The following ALDH1A2 variants were observed in gnomAD, a reference collection of about 807,000 sequenced individuals.
ALDH1A2 encodes the protein retinal dehydrogenase 2.
ALDH1A2 carries 27 observed loss-of-function variants against 60.3 expected under a neutral mutation model. The ratio of observed to expected loss-of-function variants is 0.45; its 90% CI spans 0.33 to 0.62. The LOEUF is 0.62. Ranked by LOEUF, ALDH1A2 falls within the 20% of genes least tolerant of loss-of-function variation. The pLI is 0.02. For missense variants in ALDH1A2, 581 were observed against 643.8 expected (o/e 0.90, Z 1.06); for synonymous variants, 289 against 232.4 (o/e 1.24, Z -2.21).
At chr15:57,970,987 C>G (rs985745803) in intron 7 of ALDH1A2, among the ~76,000 whole-genome samples, 3 of 152,182 alleles carry the variant, frequency 2.0e-5, no homozygotes, top group Non-Finnish European at 2.9e-5. Context: ...AGATTTGCAC[C>G]AGAAACAAAC....
At chr15:58,041,637 C>A (rs544992474) in intron 1 of ALDH1A2, among the ~76,000 whole-genome samples, 6 of 151,998 alleles carry the variant, frequency 3.9e-5, no homozygotes, top group Non-Finnish European at 8.8e-5. Flanking sequence ...GCCTCTTTTA[C>A]AAGGACACTA....
chr15:57,968,118 G>A (rs1893953388), intron 7 of ALDH1A2, among the ~76,000 whole-genome samples: 1 of 152,058 alleles, frequency 6.6e-6, no homozygotes, highest in Non-Finnish European at 1.5e-5. Context: ...CCACTCTGGG[G>A]GAATCCAAAT....
intron 1 of ALDH1A2, among the ~76,000 whole-genome samples, chr15:58,023,305 A>G (rs1895984096): frequency 6.6e-6 from 1 of 152,250 alleles, no homozygotes; most frequent in Non-Finnish European, 1.5e-5. Flanking sequence ...TTTAAAGAAT[A>G]TAAGCAAAGC....
intron 3 of ALDH1A2, among the ~76,000 whole-genome samples, chr15:58,012,532 A>C (rs1895662506): frequency 6.6e-6 from 1 of 152,200 alleles, no homozygotes. Flanking sequence ...CTGAGCCTTT[A>C]ATATGCCCAG....
chr15:58,018,018 T>G (rs1305797135), intron 1 of ALDH1A2, among the ~76,000 whole-genome samples: 1 of 152,208 alleles, frequency 6.6e-6, no homozygotes, highest in Non-Finnish European at 1.5e-5. Context: ...CTTGAATGTT[T>G]GCAGCTCTCT....
chr15:58,027,027 T>A (rs554793448), intron 1 of ALDH1A2, among the ~76,000 whole-genome samples: 1 of 152,268 alleles, frequency 6.6e-6, no homozygotes, highest in South Asian at 2.1e-4. Context: ...CAGCAGTGGT[T>A]TTCCCAGCAC....
At chr15:57,965,217 G>T (rs1596067904) in intron 8 of ALDH1A2, among the ~76,000 whole-genome samples, 1 of 152,326 alleles carries the variant, frequency 6.6e-6, no homozygotes, top group East Asian at 1.9e-4. Flanking sequence ...ATACCGAACT[G>T]ACCCACGTGT....
At chr15:58,002,145 T>C (rs1379577959) in intron 4 of ALDH1A2, among the ~76,000 whole-genome samples, 1 of 151,938 alleles carries the variant, frequency 6.6e-6, no homozygotes, top group African/African-American at 2.4e-5. Context: ...TTACAACTTA[T>C]GGAAAATATA....
chr15:58,008,495 T>C (rs1161138764), intron 4 of ALDH1A2, among the ~76,000 whole-genome samples: 1 of 152,052 alleles, frequency 6.6e-6, no homozygotes, highest in Non-Finnish European at 1.5e-5. Flanking sequence ...CTTCAAACAT[T>C]ATCAGGGATG....
intron 4 of ALDH1A2, among the ~76,000 whole-genome samples, chr15:58,006,879 G>A (rs140754481): frequency 8.9e-5 from 13 of 145,276 alleles, no homozygotes; most frequent in Non-Finnish European, 1.8e-4. Context: ...AAAAAAAAGT[G>A]TCCTTTTTTG....
At position 57,954,314 on chromosome 15, in the gene ALDH1A2, A is replaced by T. The variant is rs1192057031; in HGVS notation, c.*883T>A. 1.3e-5 allele frequency: 2 copies of T among 152,696 alleles called. No individual in the cohort carries two copies. Among genetic ancestry groups the T allele is most frequent in the Non-Finnish European group, 1.5e-5 (1 of 68,056 alleles). The allele number at this position is 152,696 out of a possible 1,614,324, so 9.5% of individuals were successfully genotyped here. A position where few individuals can be genotyped will look rare whatever the true frequency, so the allele number is the denominator to read the frequency against. Reference sequence around the variant, plus strand: ...ACTGAATGATGTCTGCAAGGCATCCAGCATTATCAAATTCTTGGGCCTACT... The same window carrying T: ...ACTGAATGATGTCTGCAAGGCATCCTGCATTATCAAATTCTTGGGCCTACT... On this transcript the variant is annotated 3_prime_UTR_variant, in exon 13 of 13. Coordinates refer to ENST00000249750, the MANE Select transcript of ALDH1A2 (RefSeq NM_003888.4).
At chr15:58,061,204 G>T (rs1439616792) in intron 1 of ALDH1A2, among the ~76,000 whole-genome samples, 1 of 152,100 alleles carries the variant, frequency 6.6e-6, no homozygotes, top group Non-Finnish European at 1.5e-5. Context: ...GTCCTGTGAT[G>T]AAATTGTCCA....
intron 1 of ALDH1A2, among the ~76,000 whole-genome samples, chr15:58,043,456 G>C (rs1444974525): frequency 6.6e-6 from 1 of 151,950 alleles, no homozygotes; most frequent in Non-Finnish European, 1.5e-5. Flanking sequence ...GATAACATAG[G>C]TTTGATTTGT....
rs1893732349 is a variant in ALDH1A2 at position 57,961,882 on chromosome 15, T to C, written c.1251+130A>G. The C allele has an allele frequency of 3.9e-6, 5 of 1,278,878 alleles. No individual in the cohort carries two copies. The South Asian group carries it at 3.9e-5, about 10-fold the overall frequency. 79.2% of individuals were successfully genotyped at this position (1,278,878 alleles called of 1,614,324 possible). On this transcript the variant is annotated intron_variant, in intron 10 of 12. Coordinates refer to ENST00000249750, the MANE Select transcript of ALDH1A2 (RefSeq NM_003888.4). ...CTTGAAACTGGAATTTTCATAGCCA[T>C]GTTCATTACTGTTGCAAAATGAATA...
chr15:57,961,664 G>T (rs1893724978), intron 10 of ALDH1A2, among the ~76,000 whole-genome samples: 1 of 152,148 alleles, frequency 6.6e-6, no homozygotes, highest in Non-Finnish European at 1.5e-5. Context: ...CAGATGTAAA[G>T]ATGCTTCAGT....
intron 7 of ALDH1A2, among the ~76,000 whole-genome samples, chr15:57,967,237 C>G (rs573068354): frequency 6.7e-6 from 1 of 150,200 alleles, no homozygotes; most frequent in Middle Eastern, 3.4e-3. Flanking sequence ...AATTTATTTA[C>G]TATCTGAGCC....
intron 1 of ALDH1A2, among the ~76,000 whole-genome samples, chr15:58,027,583 G>A (rs773611873): frequency 6.6e-6 from 1 of 151,912 alleles, no homozygotes; most frequent in Non-Finnish European, 1.5e-5. Flanking sequence ...TCAGAAGGTC[G>A]GTAATAACAA....
chr15:58,039,173 C>T (rs1896451937), intron 1 of ALDH1A2, among the ~76,000 whole-genome samples: 1 of 151,728 alleles, frequency 6.6e-6, no homozygotes, highest in Admixed American at 6.6e-5. Context: ...TCATTATGGC[C>T]ACTTCATAAA....
intron 5 of ALDH1A2, among the ~76,000 whole-genome samples, chr15:57,993,561 A>G (rs1352280051): frequency 1.3e-5 from 2 of 152,178 alleles, no homozygotes; most frequent in Non-Finnish European, 2.9e-5. Flanking sequence ...AGATACATGC[A>G]TTGTCACAAA....
Sources: allele counts gnomAD v4.1 joint callset (sites outside exome capture counted in the v4.1 genomes callset), GRCh38; gene constraint gnomAD v4.1.1; transcripts MANE v1.5; gene names NCBI Gene and HGNC (gene_info 2026-07-23, HGNC 2026-07-21).